CCDC178: variants seen among roughly 807,000 people sequenced by gnomAD.
CCDC178 encodes the protein coiled-coil domain-containing protein 178.
Under a neutral mutation model 117.4 loss-of-function variants are expected in CCDC178, and 126 were observed. That is an observed-to-expected ratio of 1.07 (90% CI 0.93 to 1.24). The LOEUF (loss-of-function observed/expected upper bound fraction) is 1.24. Among genes scored for constraint, CCDC178 ranks in the 50% most tolerant of loss-of-function variants. The pLI, the probability that CCDC178 is intolerant of heterozygous loss-of-function variation, is 0.00. For synonymous variants in CCDC178, 283 were observed against 313.4 expected, an observed-to-expected ratio of 0.90 and a Z score of 1.02; for missense variants, 1,030 against 986.9, an observed-to-expected ratio of 1.04 and a Z score of -0.59.
At chr18:33,430,759 A>T (rs1450152838) in intron 2 of CCDC178, among the ~76,000 whole-genome samples, 1 of 152,218 alleles carries the variant, frequency 6.6e-6, no homozygotes, top group Non-Finnish European at 1.5e-5. Context: ...AGAGGGCTGC[A>T]CTATTAGGTT....
chr18:33,430,958 C>T (rs1339379753), intron 2 of CCDC178, among the ~76,000 whole-genome samples: 1 of 151,686 alleles, frequency 6.6e-6, no homozygotes, highest in Admixed American at 6.6e-5. Flanking sequence ...CCCTGTGGTC[C>T]CAGCTACTCG....
chr18:33,385,295 T>C (rs980188916), intron 5 of CCDC178, among the ~76,000 whole-genome samples: 3 of 152,156 alleles, frequency 2.0e-5, no homozygotes, highest in Non-Finnish European at 4.4e-5. Flanking sequence ...CTGTCAGTAT[T>C]AGACAGATCA....
In CCDC178 at chr18:32,938,034, C is replaced by T; in HGVS notation, c.2581G>A (p.Gly861Ser). 6.2e-7 allele frequency: 1 copy of T among 1,613,488 alleles called. No homozygotes were observed. The highest frequency in any genetic ancestry group is 8.5e-7 in the Non-Finnish European group (1 of 1,179,530). ...GCTTAACCATCGTTTTCGCATGTGC[C>T]ATCTGTCAAAGTCTGGAAGAAACCT... Reference protein sequence around the residue: ...ILGFFQTLTDGTCENDG With the variant: ...ILGFFQTLTDSTCENDG The change falls in exon 23 of 23, where the codon GGC (glycine) becomes AGC (serine). Residue 861 changes from glycine to serine, a missense_variant. By Grantham distance (56) the Gly-to-Ser change is moderately conservative (BLOSUM62 0). Transcript: ENST00000383096.
intron 22 of CCDC178, among the ~76,000 whole-genome samples, chr18:32,943,860 A>T (rs985880169): frequency 2.6e-5 from 4 of 152,238 alleles, no homozygotes; most frequent in Non-Finnish European, 5.9e-5. Context: ...AACCAGATAT[A>T]TTTGGGAAAA....
At chr18:33,319,882 G>A (rs1004470598) in intron 11 of CCDC178, among the ~76,000 whole-genome samples, 2 of 152,032 alleles carry the variant, frequency 1.3e-5, no homozygotes, top group East Asian at 1.9e-4. Context: ...TTTTTGATGG[G>A]GTTGTTTTTT....
chr18:33,177,966 C>T (rs374342800), intron 20 of CCDC178, among the ~76,000 whole-genome samples: 5 of 152,064 alleles, frequency 3.3e-5, no homozygotes, highest in Admixed American at 1.3e-4. Context: ...ATGAGTGCTC[C>T]GCAAATTCCT....
At chr18:33,040,177 A>T (rs2056521988) in intron 21 of CCDC178, among the ~76,000 whole-genome samples, 1 of 152,000 alleles carries the variant, frequency 6.6e-6, no homozygotes, top group Non-Finnish European at 1.5e-5. Flanking sequence ...TGTGAAAAAT[A>T]CTCTGACAGA....
intron 5 of CCDC178, among the ~76,000 whole-genome samples, chr18:33,377,425 T>A (rs2063381370): frequency 6.6e-6 from 1 of 152,250 alleles, no homozygotes; most frequent in African/African-American, 2.4e-5. Context: ...TTTCTTTTGC[T>A]GTCCAAAAGA....
intron 3 of CCDC178, among the ~76,000 whole-genome samples, chr18:33,401,411 T>C (rs761552682): frequency 1.0e-3 from 156 of 152,004 alleles, no homozygotes; most frequent in Non-Finnish European, 1.2e-3. Flanking sequence ...CTACAAAGAG[T>C]TGCACATGAA....
chr18:33,192,054 T>G (rs1439610873), intron 20 of CCDC178, among the ~76,000 whole-genome samples: 1 of 152,218 alleles, frequency 6.6e-6, no homozygotes, highest in Non-Finnish European at 1.5e-5. Flanking sequence ...TTTCATAACC[T>G]TGTTTAAATT....
At position 33,301,134 on chromosome 18, in the gene CCDC178, A is replaced by G. The variant is rs185696374; in HGVS notation, c.1023-7822T>C. Among the ~76,000 whole-genome samples the G allele has an allele frequency of 3.2e-4, 49 of 152,320 alleles. 1 individual carries two copies. In the East Asian group the frequency reaches 8.3e-3, roughly 26 times the overall value. On this transcript the variant is annotated intron_variant, in intron 11 of 22. Coordinates refer to ENST00000383096, the MANE Select transcript of CCDC178 (RefSeq NM_001105528.4). ...TCCCTGCATCACAGCTGCTCCAGCT[A>G]CAATTATGGCTCAAAGGACCCCAGG...
At chr18:33,082,607 A>G (rs970414642) in intron 21 of CCDC178, among the ~76,000 whole-genome samples, 1 of 152,182 alleles carries the variant, frequency 6.6e-6, no homozygotes, top group Non-Finnish European at 1.5e-5. Flanking sequence ...GCCTCTCATG[A>G]TGTAAGAATC....
chr18:33,023,011 G>T (rs895970711), intron 21 of CCDC178, among the ~76,000 whole-genome samples: 12 of 152,094 alleles, frequency 7.9e-5, no homozygotes, highest in African/African-American at 2.9e-4. Flanking sequence ...AATAATAAAA[G>T]AATTAATCCA....
intron 2 of CCDC178, among the ~76,000 whole-genome samples, chr18:33,425,414 C>T (rs1348352185): frequency 2.0e-5 from 3 of 152,206 alleles, no homozygotes; most frequent in Non-Finnish European, 4.4e-5. Context: ...TGTCAGCATT[C>T]TCCCTGCCTT....
chr18:33,074,492 C>T (rs1291449214), intron 21 of CCDC178, among the ~76,000 whole-genome samples: 2 of 152,170 alleles, frequency 1.3e-5, no homozygotes, highest in Non-Finnish European at 2.9e-5. Context: ...CACATTTAGG[C>T]ATCCACCTGA....
At chr18:33,336,528 A>G (rs2062742520) in intron 9 of CCDC178, among the ~76,000 whole-genome samples, 1 of 152,128 alleles carries the variant, frequency 6.6e-6, no homozygotes, top group Non-Finnish European at 1.5e-5. Context: ...CAAATCTGAC[A>G]ATTGAAATTA....
chr18:33,335,343 A>G (rs757869220), intron 9 of CCDC178, among the ~76,000 whole-genome samples: 8 of 151,806 alleles, frequency 5.3e-5, no homozygotes, highest in Non-Finnish European at 1.0e-4. Context: ...AATGTTTTTT[A>G]TTTTCTGATA....
intron 2 of CCDC178, among the ~76,000 whole-genome samples, chr18:33,432,363 G>A (rs2064231583): frequency 6.6e-6 from 1 of 152,032 alleles, no homozygotes; most frequent in East Asian, 1.9e-4. Flanking sequence ...TATATTAGTA[G>A]AGCCTAAACA....
At chr18:33,039,915 C>T (rs902400983) in intron 21 of CCDC178, among the ~76,000 whole-genome samples, 4 of 151,752 alleles carry the variant, frequency 2.6e-5, no homozygotes, top group African/African-American at 7.3e-5. Flanking sequence ...CCCACAGGAT[C>T]GACTACAATT....
Sources: allele counts gnomAD v4.1 joint callset (sites outside exome capture counted in the v4.1 genomes callset), GRCh38; gene constraint gnomAD v4.1.1; transcripts MANE v1.5; gene names NCBI Gene and HGNC (gene_info 2026-07-23, HGNC 2026-07-21).